The following RRM2B variants were observed in gnomAD, a reference collection of about 807,000 sequenced individuals.
The protein encoded by RRM2B is ribonucleotide reductase regulatory TP53 inducible subunit M2B, also known as ribonucleoside-diphosphate reductase subunit M2 B.
Under a neutral mutation model 45.9 loss-of-function variants are expected in RRM2B, and 20 were observed. That is an observed-to-expected ratio of 0.44 (90% CI 0.31 to 0.63). The LOEUF (loss-of-function observed/expected upper bound fraction) is 0.63, where lower values mean the gene tolerates loss of function less well. Among genes scored for constraint, RRM2B ranks in the 30% least tolerant of loss-of-function variants. RRM2B has a pLI of 0.09. For missense variants in RRM2B, 320 were observed against 414.7 expected, an observed-to-expected ratio of 0.77 and a Z score of 1.98; for synonymous variants, 124 against 132.3, an observed-to-expected ratio of 0.94 and a Z score of 0.43.
intron 5 of RRM2B, among the ~76,000 whole-genome samples, chr8:102,219,433 C>T (rs1451461806): frequency 2.0e-5 from 3 of 152,024 alleles, no homozygotes; most frequent in Non-Finnish European, 2.9e-5. Flanking sequence ...AAACCACTGG[C>T]GTGTATCTGC....
At position 102,232,243 on chromosome 8, in the gene RRM2B, T is replaced by C. The variant is rs1303019427; in HGVS notation, c.110A>G (p.Lys37Arg). 4 of 1,614,140 alleles carry C rather than the reference T, an allele frequency of 2.5e-6. No individual in the cohort carries two copies. Among genetic ancestry groups the C allele is most frequent in the Admixed American group, 3.3e-5 (2 of 60,022 alleles). The change falls in exon 2 of 9, where the codon AAG becomes AGG. Residue 37 changes from lysine to arginine, a missense_variant. By Grantham distance (26) the Lys-to-Arg change is conservative. This residue lies in a region of RRM2B where 225 missense variants were observed against 289.4 expected (regional missense o/e 0.78). Coordinates refer to ENST00000251810, the MANE Select transcript of RRM2B (RefSeq NM_015713.5). ...AAAGATGACAAACCGGCGAGAACTC[T>C]TTCTTAGGAGTGGCTCTTCATTTGA... is the stretch of plus-strand genomic sequence containing the variant. ...IKSNEEPLLR[K>R]SSRRFVIFPI...
At position 102,219,229 on chromosome 8, in the gene RRM2B, C is replaced by T. The variant is rs566926028; in HGVS notation, c.551-282G>A. On this transcript the variant is annotated intron_variant, in intron 5 of 8. Coordinates refer to ENST00000251810, the MANE Select transcript of RRM2B (RefSeq NM_015713.5). ...CATACTCAAAACAAGAGGTGATTTA[C>T]GTGTGCACCACACATGACTATGAGT... Among the ~76,000 whole-genome samples the T allele has an allele frequency of 4.6e-5, 7 of 152,330 alleles. No homozygotes were observed. In the East Asian group the frequency reaches 1.2e-3, roughly 25 times the overall value.
At chr8:102,238,628 CAA>C in intron 1 of RRM2B, 197 bp downstream of exon 1, 1 of 1,533,134 alleles carries the variant, frequency 6.5e-7, no homozygotes, top group Non-Finnish European at 8.7e-7. Context: ...GACGCAAACC[CAA>C]AGTCAGCTCC....
rs1004719104 is a variant in RRM2B at position 102,238,940 on chromosome 8, G to C, written c.-66C>G. 11 of 1,540,594 alleles carry C rather than the reference G, an allele frequency of 7.1e-6. No individual in the cohort carries two copies. Among genetic ancestry groups the C allele is most frequent in the Non-Finnish European group, 9.8e-6 (11 of 1,127,080 alleles). ...AGCTCCTCAGGCCACCTCCAACTACGACAGCACCCAGGTGGTCCGCTGGTC... is the reference window on the plus strand; with the variant it reads ...AGCTCCTCAGGCCACCTCCAACTACCACAGCACCCAGGTGGTCCGCTGGTC... On this transcript the variant is annotated 5_prime_UTR_variant, in exon 1 of 9. Transcript: ENST00000251810.
chr8:102,216,695 C>CA (rs1224562858), intron 6 of RRM2B, among the ~76,000 whole-genome samples: 2 of 151,834 alleles, frequency 1.3e-5, no homozygotes, highest in Non-Finnish European at 2.9e-5. Context: ...GTAATAAAGG[C>CA]AAAAGATAAA....
chr8:102,225,109 A>G (rs928645138), intron 3 of RRM2B, 91 bp from the exon 4 acceptor site: 1 of 1,358,696 alleles, frequency 7.4e-7, no homozygotes, highest in Admixed American at 1.8e-5. Context: ...TTATCGCTTA[A>G]AAACTGCCTG....
chr8:102,236,002 C>T (rs919558414), intron 1 of RRM2B, among the ~76,000 whole-genome samples: 3 of 152,094 alleles, frequency 2.0e-5, no homozygotes, highest in Non-Finnish European at 1.5e-5. Flanking sequence ...AGCAAGACAA[C>T]TGAGGATACA....
In RRM2B at chr8:102,224,068, T is replaced by G. The variant is rs760927207; in HGVS notation, c.528A>C (p.Ile176=). The change falls in exon 5 of 9, where the codon ATA becomes ATC. Residue 176 remains isoleucine (I), a synonymous_variant. Coordinates refer to ENST00000251810, the MANE Select transcript of RRM2B (RefSeq NM_015713.5). Reference sequence around the variant, plus strand: ...TACCAAAAGTAGATTTTCTATCTGCTATCCATCGCAAGGCCCAATCTGCTT... The same window carrying G: ...TACCAAAAGTAGATTTTCTATCTGCGATCCATCGCAAGGCCCAATCTGCTT... The part of the protein sequence containing the change: ...KKKADWALRW[I]ADRKSTFGER... The G allele has an allele frequency of 3.1e-6, 5 of 1,612,992 alleles. No individual in the cohort carries two copies. Among genetic ancestry groups the G allele is most frequent in the Non-Finnish European group, 4.2e-6 (5 of 1,178,990 alleles).
intron 8 of RRM2B, among the ~76,000 whole-genome samples, chr8:102,211,025 C>A (rs1044464257): frequency 6.9e-4 from 103 of 149,916 alleles, no homozygotes; most frequent in African/African-American, 2.3e-3. Context: ...AGAGAGAGAG[C>A]GAGAGAGAAA....
At position 102,238,922 on chromosome 8, in the gene RRM2B, C is replaced by G; in HGVS notation, c.-48G>C. ...CGGGCGCTGAGGGAACTGAGCTCCT[C>G]AGGCCACCTCCAACTACGACAGCAC... On this transcript the variant is annotated 5_prime_UTR_variant, in exon 1 of 9. Transcript: ENST00000251810. 1 of 1,594,062 alleles carries G rather than the reference C, an allele frequency of 6.3e-7. No homozygotes were observed. The highest frequency in any genetic ancestry group is 8.5e-7 in the Non-Finnish European group (1 of 1,171,998).
chr8:102,212,829 G>C lies in RRM2B; in HGVS notation c.850C>G (p.Gln284Glu). The C allele has an allele frequency of 6.2e-7, 1 of 1,612,128 alleles. No homozygotes were observed. ...CTGTCAGCTACAAACTCAATGTACT[G>C]TTTCATCAAAATGCAATTCATTCCA... ...LIGMNCILMK[Q>E]YIEFVADRLL... The change falls in exon 8 of 9, where the codon CAG becomes GAG. Residue 284 changes from glutamine (Q) to glutamate (E), a missense_variant. Physicochemically the swap from Gln to Glu is conservative, Grantham distance 29 (BLOSUM62 2). Coordinates refer to ENST00000251810, the MANE Select transcript of RRM2B (RefSeq NM_015713.5).
chr8:102,217,046 T>C (rs1448064404), intron 6 of RRM2B, among the ~76,000 whole-genome samples: 3 of 152,106 alleles, frequency 2.0e-5, no homozygotes, highest in Non-Finnish European at 4.4e-5. Context: ...TATGTAAAGG[T>C]ATTCATTTTA....
rs1307355288 is a variant in RRM2B at position 102,207,996 on chromosome 8, TTAGAA to T, written c.*132_*136del. The T allele has an allele frequency of 1.8e-5, 12 of 676,728 alleles. No individual in the cohort carries two copies. The highest frequency in any genetic ancestry group is 3.1e-5 in the Non-Finnish European group (12 of 390,796). The allele number at this position is 676,728 out of a possible 1,614,324, so 41.9% of individuals were successfully genotyped here. On this transcript the variant is annotated 3_prime_UTR_variant, in exon 9 of 9. Transcript: ENST00000251810. Reference sequence around the variant, plus strand: ...GGAAAATTATATAAATGCAAATTGTTTAGAATAGGTTTTGGATTTCCTTTTGAGCA... The same window carrying T: ...GGAAAATTATATAAATGCAAATTGTTTAGGTTTTGGATTTCCTTTTGAGCA...
At position 102,208,061 on chromosome 8, in the gene RRM2B, T is replaced by A; in HGVS notation, c.*72A>T. On this transcript the variant is annotated 3_prime_UTR_variant, in exon 9 of 9. Transcript: ENST00000251810. Reference sequence around the variant, plus strand: ...TCCTTTAAAGGATATACTTAAAATTTTTTTTAAGCAGAGGAAAATAGACTA... The same window carrying A: ...TCCTTTAAAGGATATACTTAAAATTATTTTTAAGCAGAGGAAAATAGACTA... 1 of 1,346,602 alleles carries A rather than the reference T, an allele frequency of 7.4e-7. No individual in the cohort carries two copies. 83.4% of individuals were successfully genotyped at this position (1,346,602 alleles called of 1,614,324 possible). A position where few individuals can be genotyped will look rare whatever the true frequency, so the allele number is the denominator to read the frequency against.
intron 1 of RRM2B, 134 bp downstream of exon 1, chr8:102,238,693 A>T (rs1554613244): frequency 6.4e-7 from 1 of 1,553,552 alleles, no homozygotes; most frequent in South Asian, 1.2e-5. Context: ...CGACGAAGCC[A>T]GGCTGCGGCG....
At chr8:102,234,323 T>A (rs954195185) in intron 1 of RRM2B, among the ~76,000 whole-genome samples, 20 of 152,138 alleles carry the variant, frequency 1.3e-4, no homozygotes, top group Non-Finnish European at 2.1e-4. Context: ...AGTAGCTGGA[T>A]TAGGAGTGTA....
intron 5 of RRM2B, among the ~76,000 whole-genome samples, chr8:102,222,256 T>G (rs760135798): frequency 2.0e-5 from 3 of 152,016 alleles, no homozygotes; most frequent in Non-Finnish European, 2.9e-5. Flanking sequence ...TTAAATTTGT[T>G]GTAGAGATGG....
intron 6 of RRM2B, among the ~76,000 whole-genome samples, chr8:102,215,944 C>CAAAAAAAAAAAAAAAAAAAAAAAAAAAAA (rs60059243): frequency 2.4e-4 from 18 of 75,690 alleles, no homozygotes; most frequent in South Asian, 5.3e-4. Context: ...GACCCTGTCT[C>CAAAAAAAAAAAAAAAAAAAAAAAAAAAAA]AAAAAAAAAA....
intron 5 of RRM2B, among the ~76,000 whole-genome samples, chr8:102,220,595 T>G (rs1049280274): frequency 6.6e-6 from 1 of 152,162 alleles, no homozygotes; most frequent in Admixed American, 6.5e-5. Context: ...TGCGTCACCA[T>G]GCCTGGCTAA....
Sources: gnomAD v4.1 joint callset for allele counts (sites outside exome capture counted in the v4.1 genomes callset) on GRCh38, gnomAD v4.1.1 for gene constraint, gnomAD v4.1.1 regional missense constraint, MANE v1.5 for transcripts, NCBI Gene and HGNC (gene_info 2026-07-23, HGNC 2026-07-21) for gene names.